INSC: variants seen among roughly 807,000 people sequenced by gnomAD.
The protein encoded by INSC is protein inscuteable homolog.
A neutral mutation model predicts 58.6 loss-of-function variants in INSC; 67 were observed. The ratio of observed to expected loss-of-function variants is 1.14; its 90% CI spans 0.94 to 1.40. The LOEUF is 1.40. Ranked by LOEUF, INSC falls within the 40% of genes most tolerant of loss-of-function variation. INSC has a pLI of 0.00. For missense variants in INSC, 714 were observed against 692.0 expected, an observed-to-expected ratio of 1.03 and a Z score of -0.36; for synonymous variants, 262 against 276.1, an observed-to-expected ratio of 0.95 and a Z score of 0.51.
At chr11:15,211,436 G>A (rs982245110) in intron 7 of INSC, among the ~76,000 whole-genome samples, 2 of 152,108 alleles carry the variant, frequency 1.3e-5, no homozygotes, top group Admixed American at 1.3e-4. Flanking sequence ...TGAAAAACAC[G>A]TTCTACATAT....
chr11:15,245,739 A>G (rs1421599847), intron 12 of INSC, among the ~76,000 whole-genome samples, 173 bp from the exon 13 acceptor site: 1 of 152,246 alleles, frequency 6.6e-6, no homozygotes, highest in African/African-American at 2.4e-5. Context: ...TGCTATGTTG[A>G]CCAGGTGACC....
At chr11:15,132,029 A>G (rs1456096798) in intron 1 of INSC, among the ~76,000 whole-genome samples, 2 of 151,870 alleles carry the variant, frequency 1.3e-5, no homozygotes, top group Non-Finnish European at 2.9e-5. Context: ...AAAATTTATT[A>G]CTCATTTATT....
intron 9 of INSC, among the ~76,000 whole-genome samples, chr11:15,228,704 G>A (rs1851734899): frequency 6.6e-6 from 1 of 152,198 alleles, no homozygotes; most frequent in East Asian, 1.9e-4. Context: ...CGCCAATGCT[G>A]TGTGGAGCCT....
At chr11:15,245,172 G>A (rs75363758) in intron 12 of INSC, among the ~76,000 whole-genome samples, 1,873 of 152,222 alleles carry the variant, frequency 0.012, 48 homozygotes, top group African/African-American at 0.042. Flanking sequence ...GGTCAGCCCA[G>A]GGGCCCTGGT....
the INSC span, among the ~76,000 whole-genome samples, chr11:15,255,840 G>T: frequency 6.6e-6 from 1 of 151,604 alleles, no homozygotes; most frequent in African/African-American, 2.4e-5. Context: ...TTTATAAAGG[G>T]GTCTATAAAG....
the INSC span, among the ~76,000 whole-genome samples, chr11:15,264,723 G>T: frequency 2.0e-5 from 3 of 151,796 alleles, no homozygotes; most frequent in Non-Finnish European, 4.4e-5. Flanking sequence ...GACCCACCTG[G>T]ATACTCCAAG....
chr11:15,139,659 T>G (rs913716163), intron 1 of INSC, among the ~76,000 whole-genome samples: 18 of 152,196 alleles, frequency 1.2e-4, no homozygotes, highest in African/African-American at 2.7e-4. Flanking sequence ...TTATCCTTAT[T>G]ATAGATCCCA....
chr11:15,193,439 C>T (rs1255125890), intron 6 of INSC, among the ~76,000 whole-genome samples: 1 of 152,168 alleles, frequency 6.6e-6, no homozygotes, highest in African/African-American at 2.4e-5. Flanking sequence ...GCTATCCCTC[C>T]CCCATCCCCC....
intron 1 of INSC, among the ~76,000 whole-genome samples, chr11:15,121,357 T>TA (rs1426783084): frequency 1.3e-5 from 2 of 152,248 alleles, no homozygotes; most frequent in Non-Finnish European, 2.9e-5. Context: ...GGTCAGTTAT[T>TA]ATGTGGAATA....
At chr11:15,191,432 C>T (rs974988801) in intron 6 of INSC, among the ~76,000 whole-genome samples, 1 of 152,086 alleles carries the variant, frequency 6.6e-6, no homozygotes, top group African/African-American at 2.4e-5. Context: ...TCCTTCCCTT[C>T]CTGGCAGCTG....
intron 7 of INSC, among the ~76,000 whole-genome samples, chr11:15,210,910 C>A (rs906570723): frequency 6.6e-6 from 1 of 152,066 alleles, no homozygotes. Context: ...TGGGAACAGT[C>A]TGGCACTGAC....
intron 9 of INSC, among the ~76,000 whole-genome samples, chr11:15,234,106 C>T (rs911403631): frequency 4.6e-5 from 7 of 152,218 alleles, no homozygotes; most frequent in Non-Finnish European, 1.0e-4. Context: ...CAAATAGGAG[C>T]TAGTCACCCC....
At chr11:15,187,776 G>A (rs1317727352) in intron 5 of INSC, among the ~76,000 whole-genome samples, 2 of 152,044 alleles carry the variant, frequency 1.3e-5, no homozygotes, top group Non-Finnish European at 2.9e-5. Flanking sequence ...GCTTCAGCCT[G>A]TCTTCTTTTA....
In INSC at chr11:15,178,394, C is replaced by G; in HGVS notation, c.526C>G (p.Leu176Val). The G allele has an allele frequency of 6.2e-7, 1 of 1,613,596 alleles. No individual in the cohort carries two copies. Among genetic ancestry groups the G allele is most frequent in the Non-Finnish European group, 8.5e-7 (1 of 1,179,996 alleles). The change falls in exon 5 of 13, where the codon CTG (leucine) becomes GTG (valine). Residue 176 changes from leucine (L) to valine (V), a missense_variant. Leu to Val is a conservative substitution (Grantham distance 32, BLOSUM62 1). Transcript: ENST00000379556. Reference protein sequence around the residue: ...KACVSETLSMLGQHFGQLLEL... With the variant: ...KACVSETLSMVGQHFGQLLEL... ...CTGCGTGAGTGAGACCCTGAGCATG[C>G]TGGGCCAGCACTTTGGTCAGCTGCT...
At chr11:15,215,997 A>T (rs1468956529) in intron 7 of INSC, among the ~76,000 whole-genome samples, 1 of 152,184 alleles carries the variant, frequency 6.6e-6, no homozygotes, top group Non-Finnish European at 1.5e-5. Context: ...ATATAAAATG[A>T]TAAGATAGCA....
intron 5 of INSC, among the ~76,000 whole-genome samples, chr11:15,179,662 C>T (rs570410278): frequency 2.8e-4 from 43 of 152,340 alleles, no homozygotes; most frequent in African/African-American, 1.0e-3. Context: ...CATGTCTTGA[C>T]AGGGACAAAG....
the INSC span, among the ~76,000 whole-genome samples, chr11:15,257,612 ATAGT>A: frequency 2.0e-5 from 3 of 152,068 alleles, no homozygotes; most frequent in African/African-American, 4.8e-5. Context: ...TATTGCAGAA[ATAGT>A]TAGTTAAAAT....
At chr11:15,140,054 A>G (rs1416866834) in intron 1 of INSC, among the ~76,000 whole-genome samples, 2 of 152,158 alleles carry the variant, frequency 1.3e-5, no homozygotes, top group Non-Finnish European at 2.9e-5. Context: ...TGATTCCAGG[A>G]GCCTGAGCTT....
intron 6 of INSC, among the ~76,000 whole-genome samples, chr11:15,199,683 A>G (rs983662854): frequency 2.0e-5 from 3 of 152,164 alleles, no homozygotes; most frequent in African/African-American, 7.2e-5. Context: ...AACCGGTACA[A>G]TGAGGTTAGT....
Sources: allele counts gnomAD v4.1 joint callset (sites outside exome capture counted in the v4.1 genomes callset), GRCh38; gene constraint gnomAD v4.1.1; transcripts MANE v1.5; gene names NCBI Gene and HGNC (gene_info 2026-07-23, HGNC 2026-07-21).